ZW10: variants seen among roughly 807,000 people sequenced by gnomAD.
The protein encoded by ZW10 is zw10 kinetochore protein, also known as centromere/kinetochore protein zw10 homolog.
Under a neutral mutation model 87.8 loss-of-function variants are expected in ZW10, and 53 were observed. The observed-to-expected ratio is 0.60, with a 90% CI of 0.48 to 0.76. The LOEUF (loss-of-function observed/expected upper bound fraction) is 0.76. Ranked by LOEUF, ZW10 falls within the 30% of genes least tolerant of loss-of-function variation. The pLI is 0.00. For synonymous variants in ZW10, 312 were observed against 329.2 expected (o/e 0.95, Z 0.57); for missense variants, 837 against 923.0 (o/e 0.91, Z 1.21).
intron 9 of ZW10, among the ~76,000 whole-genome samples, chr11:113,745,128 T>G (rs981032045): frequency 1.4e-4 from 22 of 152,246 alleles, no homozygotes; most frequent in African/African-American, 5.3e-4. Context: ...AAATTTCTTT[T>G]GTTGGGACTA....
intron 2 of ZW10, 150 bp from the exon 3 acceptor site, chr11:113,761,068 T>A: frequency 1.5e-6 from 1 of 654,718 alleles, no homozygotes; most frequent in Non-Finnish European, 2.6e-6. Flanking sequence ...TCACAGAATG[T>A]AGTAGGAAGA....
At chr11:113,739,499 A>T in intron 11 of ZW10, 117 bp from the exon 12 acceptor site, 5 of 879,264 alleles carry the variant, frequency 5.7e-6, no homozygotes, top group South Asian at 2.0e-5. Context: ...CTAGTTTCTA[A>T]ATGCTATACA....
In ZW10 at chr11:113,742,156, G is replaced by A. The variant is rs539729659; in HGVS notation, c.1512-391C>T. ...GGGCAAGGTATCAATAAAAGCACTC[G>A]CTTGGTTCTTTTAGAATCAGTCTGA... On this transcript the variant is annotated intron_variant, in intron 10 of 15. Transcript: ENST00000200135. Among the ~76,000 whole-genome samples the A allele has an allele frequency of 5.6e-4, 86 of 152,278 alleles. 1 individual carries two copies. The highest frequency in any genetic ancestry group is 1.5e-3 in the East Asian group (8 of 5,182).
chr11:113,742,155 C>T (rs929666746), intron 10 of ZW10, among the ~76,000 whole-genome samples: 6 of 152,246 alleles, frequency 3.9e-5, no homozygotes, highest in Admixed American at 3.3e-4. Context: ...TAAAAGCACT[C>T]GCTTGGTTCT....
Position 113,734,794 on chromosome 11 carries a change from G to A in ZW10, c.2220-980C>T, listed in dbSNP as rs531765149. 1.8e-3 allele frequency among the ~76,000 whole-genome samples: 240 copies of A among 135,470 alleles called. 4 individuals are homozygous for A. Among genetic ancestry groups the A allele is most frequent in the Non-Finnish European group, 5.3e-4 (34 of 63,992 alleles). The allele number at this position is 135,470 out of a possible 152,430, so 88.9% of individuals were successfully genotyped here. A position where few individuals can be genotyped will look rare whatever the true frequency, so the allele number is the denominator to read the frequency against. ...CACTCCAGCCTGGGCGACAGAGTGA[G>A]ACTCTGTCTCAAAAAAAAAAAGGAA... On this transcript the variant is annotated intron_variant, in intron 15 of 15. Coordinates refer to ENST00000200135, the MANE Select transcript of ZW10 (RefSeq NM_004724.4).
chr11:113,737,782 G>C (rs1407699950), intron 13 of ZW10, 79 bp from the exon 14 acceptor site: 2 of 1,474,602 alleles, frequency 1.4e-6, no homozygotes, highest in South Asian at 1.4e-5. Flanking sequence ...TATCATTTGT[G>C]AGTTCATTGG....
intron 7 of ZW10, among the ~76,000 whole-genome samples, chr11:113,749,654 CACTGT>C (rs1953715260): frequency 6.6e-6 from 1 of 152,132 alleles, no homozygotes; most frequent in Non-Finnish European, 1.5e-5. Flanking sequence ...AAGATGTTAA[CACTGT>C]AGAAAATTCA....
chr11:113,758,818 T>C (rs1049065739), intron 5 of ZW10, 112 bp from the exon 6 acceptor site: 7 of 991,814 alleles, frequency 7.1e-6, no homozygotes, highest in Middle Eastern at 3.2e-4. Context: ...TACAATATAC[T>C]CCTAATGCAA....
intron 2 of ZW10, among the ~76,000 whole-genome samples, chr11:113,762,830 T>C (rs1440590545): frequency 6.6e-6 from 1 of 152,214 alleles, no homozygotes; most frequent in Non-Finnish European, 1.5e-5. Flanking sequence ...ACTTTTTAAC[T>C]CTTGCAATAA....
At position 113,736,653 on chromosome 11, in the gene ZW10, A is replaced by G. The variant is rs376621074; in HGVS notation, c.2186T>C (p.Met729Thr). The G allele has an allele frequency of 8.7e-6, 14 of 1,614,086 alleles. No homozygotes were observed. The African/African-American group carries it at 1.9e-4, about 22-fold the overall frequency. The change falls in exon 15 of 16, where the codon ATG (methionine) becomes ACG (threonine). Residue 729 changes from methionine (M) to threonine (T), a missense_variant. Met to Thr is a moderately conservative substitution (Grantham distance 81, BLOSUM62 -1). Transcript: ENST00000200135. ...KWMPFKELMMMLQASLQEIGD... is the reference protein window; with the variant it reads ...KWMPFKELMMTLQASLQEIGD... ...AATTTCTTGCAAGCTGGCTTGTAGCATCATCATCAATTCCTTGAATGGCAT... is the reference window on the plus strand; with the variant it reads ...AATTTCTTGCAAGCTGGCTTGTAGCGTCATCATCAATTCCTTGAATGGCAT...
chr11:113,768,889 G>A lies in ZW10; in HGVS notation c.184C>T (p.Gln62Ter). The change falls in exon 2 of 16, where the codon CAG becomes TAG. Residue 62 changes from glutamine (Q) to a stop codon, truncating the protein, a stop_gained. Coordinates refer to ENST00000200135, the MANE Select transcript of ZW10 (RefSeq NM_004724.4). LOFTEE classifies it high-confidence loss of function. The stretch of plus-strand genomic sequence containing the variant: ...ATGTCTTCAGATAGCTTATCCACCT[G>A]GGTAATCAGGCCCTGCGCGCTCTGC... ...SMQSAQGLIT[Q>*]VDKLSEDIDL... 1 of 1,614,114 alleles carries A rather than the reference G, an allele frequency of 6.2e-7. No homozygotes were observed. Among genetic ancestry groups the A allele is most frequent in the Non-Finnish European group, 8.5e-7 (1 of 1,180,018 alleles).
chr11:113,751,554 A>G (rs1304824985), intron 7 of ZW10, among the ~76,000 whole-genome samples: 1 of 152,132 alleles, frequency 6.6e-6, no homozygotes, highest in Non-Finnish European at 1.5e-5. Context: ...ATGTTAGGGG[A>G]AAAAAATTCA....
At chr11:113,750,781 C>T (rs920716939) in intron 7 of ZW10, among the ~76,000 whole-genome samples, 5 of 151,462 alleles carry the variant, frequency 3.3e-5, no homozygotes, top group African/African-American at 4.9e-5. Context: ...AACTTTCACC[C>T]GCTATAAAAT....
rs529464930 is a variant in ZW10 at position 113,759,469 on chromosome 11, CA to C, written c.580+739del. Among the ~76,000 whole-genome samples the C allele has an allele frequency of 5.3e-5, 8 of 152,140 alleles. No homozygotes were observed. The South Asian group carries it at 1.5e-3, about 28-fold the overall frequency. ...GCCAAAGTGGATATAGGAAAGGGAA[CA>C]GGGGGAGAAAGTTTCTCTTGAAATA... On this transcript the variant is annotated intron_variant, in intron 5 of 15. Transcript: ENST00000200135.
chr11:113,760,255 T>G lies in ZW10; in HGVS notation c.534A>C (p.Gly178=). Residue 178 remains glycine (G), a synonymous_variant, in exon 5 of 16, where the codon GGA becomes GGC. Coordinates refer to ENST00000200135, the MANE Select transcript of ZW10 (RefSeq NM_004724.4). ...IQKQNILYHL[G]EEWQKLIVWK... ...ATACAATCAGCTTCTGCCACTCTTC[T>G]CCAAGGTGATAAAGTATGTTCTGTT... 1 of 1,614,120 alleles carries G rather than the reference T, an allele frequency of 6.2e-7. No homozygotes were observed. Among genetic ancestry groups the G allele is most frequent in the Non-Finnish European group, 8.5e-7 (1 of 1,180,014 alleles).
chr11:113,748,972 G>A (rs1324611351), intron 7 of ZW10, among the ~76,000 whole-genome samples: 3 of 152,086 alleles, frequency 2.0e-5, no homozygotes, highest in African/African-American at 7.2e-5. Flanking sequence ...TTAAGAACCA[G>A]GCACCAATGT....
chr11:113,734,965 G>A (rs2134862288), intron 15 of ZW10, among the ~76,000 whole-genome samples: 1 of 152,170 alleles, frequency 6.6e-6, no homozygotes, highest in Non-Finnish European at 1.5e-5. Context: ...AGAAAGGTAA[G>A]GAAATAAATA....
chr11:113,773,302 T>TG (rs1485301810), intron 1 of ZW10, among the ~76,000 whole-genome samples: 1 of 151,846 alleles, frequency 6.6e-6, no homozygotes, highest in Non-Finnish European at 1.5e-5. Flanking sequence ...AGCCACCGCC[T>TG]GTTCGTCCCC....
At chr11:113,739,939 T>C (rs1055463885) in intron 11 of ZW10, among the ~76,000 whole-genome samples, 1 of 152,202 alleles carries the variant, frequency 6.6e-6, no homozygotes, top group Non-Finnish European at 1.5e-5. Flanking sequence ...CCCAGGTGAT[T>C]TTAATTTTCA....
Sources: gnomAD v4.1 joint callset for allele counts (sites outside exome capture counted in the v4.1 genomes callset) on GRCh38, gnomAD v4.1.1 for gene constraint, MANE v1.5 for transcripts, NCBI Gene and HGNC (gene_info 2026-07-23, HGNC 2026-07-21) for gene names.